The following DYRK1A variants were observed in gnomAD, a reference collection of about 807,000 sequenced individuals.
DYRK1A encodes dual specificity tyrosine-phosphorylation-regulated kinase 1A.
Under a neutral mutation model 79.7 loss-of-function variants are expected in DYRK1A, and 9 were observed. That is an observed-to-expected ratio of 0.11 (90% CI 0.07 to 0.20). The LOEUF is 0.20. Among genes scored for constraint, DYRK1A ranks in the 10% least tolerant of loss-of-function variants. The pLI, the probability that DYRK1A is intolerant of heterozygous loss-of-function variation, is 1.00. For missense variants in DYRK1A, 622 were observed against 956.0 expected (o/e 0.65, Z 4.61); for synonymous variants, 349 against 329.7 (o/e 1.06, Z -0.63).
intron 9 of DYRK1A, among the ~76,000 whole-genome samples, chr21:37,499,456 A>G (rs1366405158): frequency 2.0e-5 from 3 of 152,124 alleles, no homozygotes; most frequent in African/African-American, 4.8e-5. Context: ...GTAAATTTCT[A>G]CCAAAAAAAT....
chr21:37,440,597 G>T (rs1196050125), intron 2 of DYRK1A, among the ~76,000 whole-genome samples: 1 of 152,032 alleles, frequency 6.6e-6, no homozygotes, highest in African/African-American at 2.4e-5. Flanking sequence ...ATTCTTTTCA[G>T]AATGCTTTAT....
chr21:37,475,331 A>AG (rs1395485981), intron 3 of DYRK1A, among the ~76,000 whole-genome samples: 1 of 152,222 alleles, frequency 6.6e-6, no homozygotes, highest in Non-Finnish European at 1.5e-5. Flanking sequence ...AGAAGGTAGA[A>AG]GGGAGCTTGC....
chr21:37,406,428 G>A (rs908239725), intron 1 of DYRK1A, among the ~76,000 whole-genome samples: 3 of 152,138 alleles, frequency 2.0e-5, no homozygotes, highest in Non-Finnish European at 1.5e-5. Context: ...GGGTGCGGTG[G>A]CTCAAGTCTG....
intron 1 of DYRK1A, among the ~76,000 whole-genome samples, chr21:37,381,785 A>T (rs2049663659): frequency 6.6e-6 from 1 of 152,112 alleles, no homozygotes; most frequent in South Asian, 2.1e-4. Context: ...TTTGAGTGAT[A>T]CCCTGACTCA....
In DYRK1A at chr21:37,389,193, C is replaced by G. The variant is rs1166086399; in HGVS notation, c.-77+21565C>G. ...ACTACTTGGCCTTACTTTTCTCTCT[C>G]TCTCTTTTTTTAAAAAAGTATATAT... On this transcript the variant is annotated intron_variant, in intron 1 of 11. Coordinates refer to ENST00000647188, the MANE Select transcript of DYRK1A (RefSeq NM_001347721.2). 1.3e-5 allele frequency among the ~76,000 whole-genome samples: 2 copies of G among 151,600 alleles called. 1 individual carries two copies. The highest frequency in any genetic ancestry group is 4.1e-4 in the South Asian group (2 of 4,826).
rs116611242 is a variant in DYRK1A, at chr21:37,384,167, G to A, written c.-77+16539G>A. 6.7e-3 allele frequency among the ~76,000 whole-genome samples: 1,018 copies of A among 152,246 alleles called. 11 individuals carry two copies. Among genetic ancestry groups the A allele is most frequent in the African/African-American group, 0.023 (939 of 41,524 alleles). On this transcript the variant is annotated intron_variant, in intron 1 of 11. Transcript: ENST00000647188. ...CTAAGTTGAGAAAACAAAGATTGGA[G>A]TTAGGGGTAACCAAGGGTGGTTGTC...
At chr21:37,491,106 C>T (rs1368550568) in intron 7 of DYRK1A, among the ~76,000 whole-genome samples, 1 of 151,938 alleles carries the variant, frequency 6.6e-6, no homozygotes, top group African/African-American at 2.4e-5. Flanking sequence ...CTTATTTTCC[C>T]CACTCTTATT....
rs1273232671 is a variant in DYRK1A at position 37,515,834 on chromosome 21, A to G, written c.*3303A>G. 6.6e-6 allele frequency: 1 copy of G among 152,070 alleles called. No individual in the cohort carries two copies. The highest frequency in any genetic ancestry group is 1.5e-5 in the Non-Finnish European group (1 of 68,000). 9.4% of individuals were successfully genotyped at this position (152,070 alleles called of 1,614,324 possible). A position where few individuals can be genotyped will look rare whatever the true frequency, so the allele number is the denominator to read the frequency against. ...CTAGGCACATGGATATTGGGCTGAA[A>G]AAAAAAAACCGACATTTTTATTTAA... is the stretch of plus-strand genomic sequence containing the variant. On this transcript the variant is annotated 3_prime_UTR_variant, in exon 12 of 12. Transcript: ENST00000647188.
chr21:37,417,058 C>T (rs2050355753), intron 1 of DYRK1A, among the ~76,000 whole-genome samples: 1 of 152,096 alleles, frequency 6.6e-6, no homozygotes, highest in Non-Finnish European at 1.5e-5. Context: ...CATTACAAAA[C>T]ACTGTCACAT....
intron 1 of DYRK1A, among the ~76,000 whole-genome samples, chr21:37,411,081 G>C (rs898521389): frequency 3.0e-5 from 4 of 133,364 alleles, no homozygotes; most frequent in Admixed American, 7.5e-5. Context: ...AAAAAGCCCA[G>C]GCGTGGTGGC....
At chr21:37,442,969 T>C (rs886310361) in intron 2 of DYRK1A, among the ~76,000 whole-genome samples, 2 of 152,118 alleles carry the variant, frequency 1.3e-5, no homozygotes, top group Admixed American at 1.3e-4. Flanking sequence ...TCTGAGTAGC[T>C]GGGACCTACA....
Position 37,367,210 on chromosome 21 carries a change from G to A in DYRK1A, c.-495G>A. ...CTCTCCTGGCGGAGGAGCCGCCGCCGCCGCCCGGGCCCCGGCGCTTCTCGC... is the reference window on the plus strand; with the variant it reads ...CTCTCCTGGCGGAGGAGCCGCCGCCACCGCCCGGGCCCCGGCGCTTCTCGC... On this transcript the variant is annotated 5_prime_UTR_variant, in exon 1 of 12. Transcript: ENST00000647188. 1 of 152,080 alleles carries A rather than the reference G, an allele frequency of 6.6e-6. No individual in the cohort carries two copies. The highest frequency in any genetic ancestry group is 1.5e-5 in the Non-Finnish European group (1 of 67,968). 9.4% of individuals were successfully genotyped at this position (152,080 alleles called of 1,614,324 possible).
At chr21:37,388,073 T>A (rs955146623) in intron 1 of DYRK1A, among the ~76,000 whole-genome samples, 1 of 151,828 alleles carries the variant, frequency 6.6e-6, no homozygotes, top group African/African-American at 2.4e-5. Context: ...TAAATTTCTG[T>A]GTTTTTATCT....
chr21:37,401,509 T>G (rs1415729451), intron 1 of DYRK1A, among the ~76,000 whole-genome samples: 2 of 146,758 alleles, frequency 1.4e-5, no homozygotes, highest in African/African-American at 2.5e-5. Flanking sequence ...GGAGACAGAG[T>G]TTCGCTCTTG....
chr21:37,421,025 A>G (rs1367764061), intron 2 of DYRK1A, among the ~76,000 whole-genome samples: 1 of 152,136 alleles, frequency 6.6e-6, no homozygotes, highest in Non-Finnish European at 1.5e-5. Flanking sequence ...ACTGGAGGCT[A>G]TTCCACACAT....
chr21:37,508,545 C>T (rs2053661550), intron 11 of DYRK1A, among the ~76,000 whole-genome samples: 1 of 152,182 alleles, frequency 6.6e-6, no homozygotes, highest in African/African-American at 2.4e-5. Context: ...TCTCGGCCTC[C>T]CAAAGTGTGG....
intron 5 of DYRK1A, among the ~76,000 whole-genome samples, chr21:37,485,009 T>C (rs1031478836): frequency 2.6e-5 from 4 of 152,214 alleles, no homozygotes; most frequent in Non-Finnish European, 5.9e-5. Flanking sequence ...AAGGGATTTC[T>C]CCATTTCCGT....
At position 37,512,063 on chromosome 21, in the gene DYRK1A, C is replaced by CCAT; in HGVS notation, c.1800_1802dup (p.His610dup). On this transcript the variant is annotated inframe_insertion, in exon 12 of 12. Coordinates refer to ENST00000647188, the MANE Select transcript of DYRK1A (RefSeq NM_001347721.2). ...ATCACCATGGTAACAGTTCCCATCA[C>CCAT]CATCACCACCACCACCACCATCACC... 1 of 1,614,048 alleles carries CCAT rather than the reference C, an allele frequency of 6.2e-7. No homozygotes were observed. Among genetic ancestry groups the CCAT allele is most frequent in the Non-Finnish European group, 8.5e-7 (1 of 1,179,990 alleles).
rs558063620 is a variant in DYRK1A, at chr21:37,439,087, A to T, written c.10+18703A>T. Among the ~76,000 whole-genome samples, 4 of 152,188 alleles carry T rather than the reference A, an allele frequency of 2.6e-5. No homozygotes were observed. In the South Asian group the frequency reaches 8.3e-4, roughly 32 times the overall value. On this transcript the variant is annotated intron_variant, in intron 2 of 11. Coordinates refer to ENST00000647188, the MANE Select transcript of DYRK1A (RefSeq NM_001347721.2). ...AATGGCTTTTAAATTTCAGTTTCTGATATATAGTTACAGTACTAGCACATA... is the reference window on the plus strand; with the variant it reads ...AATGGCTTTTAAATTTCAGTTTCTGTTATATAGTTACAGTACTAGCACATA...
Sources: allele counts gnomAD v4.1 joint callset (sites outside exome capture counted in the v4.1 genomes callset), GRCh38; gene constraint gnomAD v4.1.1; transcripts MANE v1.5; gene names NCBI Gene and HGNC (gene_info 2026-07-23, HGNC 2026-07-21).